Variants in BDP1 observed in about 807,000 individuals in gnomAD.
BDP1 encodes the protein transcription factor TFIIIB component B'' homolog.
Under a neutral mutation model 266.6 loss-of-function variants are expected in BDP1, and 169 were observed. The ratio of observed to expected loss-of-function variants is 0.63; its 90% CI spans 0.56 to 0.72. The LOEUF (loss-of-function observed/expected upper bound fraction) is 0.72. Ranked by LOEUF, BDP1 falls within the 30% of genes least tolerant of loss-of-function variation. BDP1 has a pLI of 0.00. For synonymous variants in BDP1, 1,090 were observed against 1,022.4 expected (o/e 1.07, Z -1.26); for missense variants, 3,015 against 3,053.8 (o/e 0.99, Z 0.30).
chr5:71,535,351 C>T (rs1488217889), intron 26 of BDP1, among the ~76,000 whole-genome samples: 4 of 151,948 alleles, frequency 2.6e-5, no homozygotes, highest in Non-Finnish European at 5.9e-5. Context: ...ATTACAAGCG[C>T]CCGCCACCAC....
intron 26 of BDP1, among the ~76,000 whole-genome samples, chr5:71,534,433 A>G (rs1048467519): frequency 6.6e-6 from 1 of 152,106 alleles, no homozygotes; most frequent in Non-Finnish European, 1.5e-5. Context: ...ATTCTGTTGC[A>G]TAGATCTATA....
chr5:71,544,235 A>G lies in BDP1; in HGVS notation c.6413-122A>G, dbSNP rs930392357. The G allele has an allele frequency of 5.9e-6, 5 of 847,458 alleles. No individual in the cohort carries two copies. In the African/African-American group the frequency reaches 8.5e-5, roughly 14 times the overall value. 52.5% of individuals were successfully genotyped at this position (847,458 alleles called of 1,614,324 possible). A position where few individuals can be genotyped will look rare whatever the true frequency, so the allele number is the denominator to read the frequency against. Reference sequence around the variant, plus strand: ...CATGTGTATAAGCCTGATTTGTGGAATAAGAGAAGTTTGGAAGAGTCACTA... The same window carrying G: ...CATGTGTATAAGCCTGATTTGTGGAGTAAGAGAAGTTTGGAAGAGTCACTA... On this transcript the variant is annotated intron_variant, in intron 30 of 38. Coordinates refer to ENST00000358731, the MANE Select transcript of BDP1 (RefSeq NM_018429.3).
intron 38 of BDP1, among the ~76,000 whole-genome samples, chr5:71,564,077 G>T (rs1047549742): frequency 5.9e-5 from 9 of 152,082 alleles, no homozygotes; most frequent in Admixed American, 1.3e-4. Context: ...TTCCCCCTGA[G>T]ATGGTTATAT....
In BDP1 at chr5:71,539,667, G is replaced by A; in HGVS notation, c.6022+18G>A. 6.5e-7 allele frequency: 1 copy of A among 1,545,434 alleles called. No homozygotes were observed. The highest frequency in any genetic ancestry group is 8.8e-7 in the Non-Finnish European group (1 of 1,131,346). ...GGGTGATGGTAAGAATGAAAGCTAA[G>A]TCCTATCAAAAATAGAAACTTTTAA... is the stretch of plus-strand genomic sequence containing the variant. On this transcript the variant is annotated intron_variant, in intron 28 of 38. Transcript: ENST00000358731.
chr5:71,536,493 A>AG (rs1766603432), intron 26 of BDP1, among the ~76,000 whole-genome samples: 1 of 152,198 alleles, frequency 6.6e-6, no homozygotes, highest in Non-Finnish European at 1.5e-5. Flanking sequence ...CAATTCTGAC[A>AG]GGGAGAGCCA....
At position 71,510,913 on chromosome 5, in the gene BDP1, T is replaced by C; in HGVS notation, c.3821T>C (p.Val1274Ala). The change falls in exon 17 of 39, where the codon GTT becomes GCT. Residue 1274 changes from valine to alanine, a missense_variant. Val to Ala is a moderately conservative substitution (Grantham distance 64). This residue lies in a region of BDP1 where 2,383 missense variants were observed against 2,404.9 expected (regional missense o/e 0.99). Transcript: ENST00000358731. ...GAGAAAGTATCAGGAAAGATGGCTG[T>C]TGTTGAAGAAATGGAGGCAGATTTG... ...IMEKVSGKMA[V>A]VEEMEADLKE... 1.9e-6 allele frequency: 3 copies of C among 1,613,774 alleles called. No homozygotes were observed. Among genetic ancestry groups the C allele is most frequent in the Non-Finnish European group, 2.5e-6 (3 of 1,179,756 alleles).
In BDP1 at chr5:71,548,749, T is replaced by C. The variant is rs1318012116; in HGVS notation, c.6808+4T>C. The C allele has an allele frequency of 6.3e-7, 1 of 1,578,600 alleles. No individual in the cohort carries two copies. Among genetic ancestry groups the C allele is most frequent in the Non-Finnish European group, 8.7e-7 (1 of 1,149,690 alleles). The stretch of plus-strand genomic sequence containing the variant: ...ATCAATCCTCAAGACCTAACAGGTA[T>C]GATAATATGCTTCAGTGACATGTCA... On this transcript the variant is annotated splice_donor_region_variant and intron_variant, in intron 33 of 38. Transcript: ENST00000358731.
intron 28 of BDP1, among the ~76,000 whole-genome samples, chr5:71,540,575 G>A (rs989381548): frequency 2.6e-5 from 4 of 152,084 alleles, no homozygotes; most frequent in East Asian, 1.9e-4. Flanking sequence ...TGATCCACCC[G>A]TCTTGGCCTC....
chr5:71,546,541 CCAGGAGA>C (rs1742321955), intron 32 of BDP1, among the ~76,000 whole-genome samples: 1 of 141,818 alleles, frequency 7.1e-6, no homozygotes, highest in Non-Finnish European at 1.5e-5. Context: ...TTGCTTGAAC[CCAGGAGA>C]CAGAGGTTGC....
chr5:71,564,628 A>T (rs1243972397), intron 38 of BDP1, 126 bp from the exon 39 acceptor site: 1 of 797,994 alleles, frequency 1.3e-6, no homozygotes, highest in Non-Finnish European at 1.9e-6. Context: ...TTTAAAGCTC[A>T]ATATTTATTG....
Position 71,512,455 on chromosome 5 carries a change from A to G in BDP1, c.4247+27A>G, listed in dbSNP as rs755480647. The G allele has an allele frequency of 1.8e-5, 25 of 1,409,808 alleles. No individual in the cohort carries two copies. The Admixed American group carries it at 3.3e-4, about 19-fold the overall frequency. 87.3% of individuals were successfully genotyped at this position (1,409,808 alleles called of 1,614,324 possible). Reference sequence around the variant, plus strand: ...TACAAGTGTGTTTTTAAAGAAAAAGATATTAAGTTATAGTTGCAGATTACG... The same window carrying G: ...TACAAGTGTGTTTTTAAAGAAAAAGGTATTAAGTTATAGTTGCAGATTACG... On this transcript the variant is annotated intron_variant, in intron 18 of 38. Coordinates refer to ENST00000358731, the MANE Select transcript of BDP1 (RefSeq NM_018429.3).
intron 38 of BDP1, among the ~76,000 whole-genome samples, chr5:71,563,384 G>A (rs1580234320): frequency 6.6e-6 from 1 of 152,288 alleles, no homozygotes; most frequent in East Asian, 1.9e-4. Flanking sequence ...CTGGCCTCAA[G>A]CCTTGGCCTC....
intron 2 of BDP1, among the ~76,000 whole-genome samples, chr5:71,460,874 G>GT (rs1761512341): frequency 8.4e-6 from 1 of 119,366 alleles, no homozygotes; most frequent in African/African-American, 2.9e-5. Flanking sequence ...TCACTACAGG[G>GT]TAAAAAAAAA....
rs2150490795 is a variant in BDP1 at position 71,516,279 on chromosome 5, ATTG to A, written c.4860+11_4860+13del. ...AAGAAAGTCTTAACTGTGGTGAGTT[ATTG>A]TTATGTAATTAAATTTAGCCTTTTA... is the stretch of plus-strand genomic sequence containing the variant. On this transcript the variant is annotated intron_variant, in intron 21 of 38. Coordinates refer to ENST00000358731, the MANE Select transcript of BDP1 (RefSeq NM_018429.3). 6.2e-7 allele frequency: 1 copy of A among 1,600,248 alleles called. No homozygotes were observed. The highest frequency in any genetic ancestry group is 8.5e-7 in the Non-Finnish European group (1 of 1,170,666).
At chr5:71,550,813 C>G (rs1448297458) in intron 34 of BDP1, among the ~76,000 whole-genome samples, 3 of 152,130 alleles carry the variant, frequency 2.0e-5, no homozygotes, top group African/African-American at 7.2e-5. Flanking sequence ...TCAAGTGATT[C>G]TCGTGCCTAA....
At chr5:71,457,472 C>T (rs1241277474) in intron 1 of BDP1, among the ~76,000 whole-genome samples, 2 of 151,840 alleles carry the variant, frequency 1.3e-5, no homozygotes, top group Non-Finnish European at 2.9e-5. Context: ...TGCCCCACCA[C>T]GCCCAACTAA....
intron 32 of BDP1, 28 bp from the exon 33 acceptor site, chr5:71,548,650 CCTGA>C (rs1222452700): frequency 2.7e-6 from 4 of 1,460,394 alleles, no homozygotes; most frequent in Admixed American, 3.4e-5. Context: ...ATTTGGCCAA[CCTGA>C]CTCTTTCATT....
At position 71,495,337 on chromosome 5, in the gene BDP1, AT is replaced by A; in HGVS notation, c.1730del (p.Leu577CysfsTer4). On this transcript the variant is annotated frameshift_variant, in exon 12 of 39. Coordinates refer to ENST00000358731, the MANE Select transcript of BDP1 (RefSeq NM_018429.3). LOFTEE classifies it high-confidence loss of function. ...LPSFEVGIRA[L>X]CEVNNAEGSC... is the part of the protein sequence containing the mutation. ...CTTCATTCGAAGTTGGAATTAGAGC[AT>A]TGTGTGAGGTGAATAATGCTGAGGG... The A allele has an allele frequency of 6.2e-7, 1 of 1,608,406 alleles. No homozygotes were observed. The highest frequency in any genetic ancestry group is 8.5e-7 in the Non-Finnish European group (1 of 1,176,744).
At chr5:71,487,435 G>A (rs376973635) in intron 9 of BDP1, among the ~76,000 whole-genome samples, 176 of 152,130 alleles carry the variant, frequency 1.2e-3, no homozygotes, top group African/African-American at 3.8e-3. Flanking sequence ...AGTAGAGACG[G>A]GGTTTCACCA....
Sources: gnomAD v4.1 joint callset for allele counts (sites outside exome capture counted in the v4.1 genomes callset) on GRCh38, gnomAD v4.1.1 for gene constraint, gnomAD v4.1.1 regional missense constraint, MANE v1.5 for transcripts, NCBI Gene and HGNC (gene_info 2026-07-23, HGNC 2026-07-21) for gene names.